SEMA5A: variants seen among roughly 807,000 people sequenced by gnomAD.
SEMA5A encodes the protein semaphorin-5A.
A neutral mutation model predicts 135.5 loss-of-function variants in SEMA5A; 55 were observed. That is an observed-to-expected ratio of 0.41 (90% confidence interval 0.33 to 0.51). The LOEUF (loss-of-function observed/expected upper bound fraction) is 0.51, where lower values mean the gene tolerates loss of function less well. Among genes scored for constraint, SEMA5A ranks in the 20% least tolerant of loss-of-function variants. The pLI, the probability that SEMA5A is intolerant of heterozygous loss-of-function variation, is 0.37. For missense variants in SEMA5A, 1,290 were observed against 1,419.9 expected (o/e 0.91, Z 1.47); for synonymous variants, 580 against 546.5 (o/e 1.06, Z -0.85).
intron 4 of SEMA5A, 136 bp downstream of exon 4, chr5:9,337,577 C>T: frequency 3.3e-6 from 2 of 597,682 alleles, no homozygotes; most frequent in South Asian, 2.4e-5. Flanking sequence ...TTATGACACT[C>T]ATACTGTATT....
chr5:9,361,298 CA>C (rs35091885), intron 3 of SEMA5A, among the ~76,000 whole-genome samples: 30,137 of 127,634 alleles, frequency 0.24, 3,072 homozygotes, highest in Admixed American at 0.29. Flanking sequence ...GACTCTGTCT[CA>C]AAAAAAAAAA....
At chr5:9,532,508 G>A (rs1369874347) in intron 1 of SEMA5A, among the ~76,000 whole-genome samples, 4 of 145,000 alleles carry the variant, frequency 2.8e-5, no homozygotes, top group South Asian at 2.1e-4. Context: ...GCCTGGTCTC[G>A]AACTCCTGAC....
intron 15 of SEMA5A, among the ~76,000 whole-genome samples, chr5:9,111,170 G>C (rs1453315544): frequency 1.3e-5 from 2 of 152,082 alleles, no homozygotes; most frequent in Non-Finnish European, 2.9e-5. Flanking sequence ...GCTCACTGTG[G>C]GTAGAAGGAG....
At chr5:9,488,429 G>A (rs1030661148) in intron 1 of SEMA5A, among the ~76,000 whole-genome samples, 60 of 152,258 alleles carry the variant, frequency 3.9e-4, no homozygotes, top group African/African-American at 1.4e-3. Flanking sequence ...TCACATGTAA[G>A]CTTCTTGTGA....
At chr5:9,334,042 T>C (rs1254363764) in intron 4 of SEMA5A, among the ~76,000 whole-genome samples, 1 of 152,176 alleles carries the variant, frequency 6.6e-6, no homozygotes, top group Non-Finnish European at 1.5e-5. Flanking sequence ...TACCTTCCGA[T>C]TCTCCATAAC....
chr5:9,125,865 T>C (rs530146551), intron 13 of SEMA5A, among the ~76,000 whole-genome samples: 1 of 152,234 alleles, frequency 6.6e-6, no homozygotes, highest in Admixed American at 6.5e-5. Flanking sequence ...TCCTTTCACC[T>C]GTTTATCAGC....
At chr5:9,201,448 G>A (rs1029429418) in intron 9 of SEMA5A, among the ~76,000 whole-genome samples, 4 of 152,178 alleles carry the variant, frequency 2.6e-5, no homozygotes, top group Non-Finnish European at 2.9e-5. Flanking sequence ...CAAAATGTGT[G>A]CTCAAGTAAG....
At chr5:9,174,773 G>C (rs925917643) in intron 11 of SEMA5A, among the ~76,000 whole-genome samples, 50 of 152,202 alleles carry the variant, frequency 3.3e-4, no homozygotes, top group African/African-American at 1.2e-3. Flanking sequence ...ATGATTAGCT[G>C]TGCTTCCACT....
intron 5 of SEMA5A, among the ~76,000 whole-genome samples, chr5:9,257,720 C>A (rs1435923837): frequency 2.0e-5 from 3 of 152,108 alleles, no homozygotes; most frequent in Non-Finnish European, 2.9e-5. Context: ...GGTTCAGAAC[C>A]CCCAGCATTA....
At chr5:9,467,519 C>T (rs1001574485) in intron 1 of SEMA5A, among the ~76,000 whole-genome samples, 3 of 152,196 alleles carry the variant, frequency 2.0e-5, no homozygotes, top group African/African-American at 7.2e-5. Context: ...CTGGAGGACT[C>T]CAAACTTCTG....
chr5:9,186,288 G>A (rs1744805218), intron 11 of SEMA5A, among the ~76,000 whole-genome samples: 2 of 152,172 alleles, frequency 1.3e-5, no homozygotes, highest in Admixed American at 1.3e-4. Context: ...TGGCAGCAGT[G>A]GGAAATGCCA....
At chr5:9,164,856 A>G (rs990042488) in intron 11 of SEMA5A, among the ~76,000 whole-genome samples, 2 of 152,168 alleles carry the variant, frequency 1.3e-5, no homozygotes, top group African/African-American at 4.8e-5. Context: ...ATTTTACGGA[A>G]ATAAATCTTT....
At chr5:9,338,338 G>A (rs1034298168) in intron 3 of SEMA5A, among the ~76,000 whole-genome samples, 3 of 151,974 alleles carry the variant, frequency 2.0e-5, no homozygotes, top group African/African-American at 7.2e-5. Flanking sequence ...AACACATTCC[G>A]ACCTTTCTAG....
chr5:9,301,599 G>A (rs1291310067), intron 5 of SEMA5A, among the ~76,000 whole-genome samples: 2 of 152,120 alleles, frequency 1.3e-5, no homozygotes, highest in Non-Finnish European at 2.9e-5. Context: ...CAAGTAGCCT[G>A]CACTTGACGT....
chr5:9,399,893 C>T (rs1020736515), intron 2 of SEMA5A, among the ~76,000 whole-genome samples: 1 of 151,986 alleles, frequency 6.6e-6, no homozygotes, highest in African/African-American at 2.4e-5. Flanking sequence ...TTCCCATTAG[C>T]TTGACATAGA....
At chr5:9,102,125 A>G (rs1380301213) in intron 16 of SEMA5A, among the ~76,000 whole-genome samples, 2 of 152,234 alleles carry the variant, frequency 1.3e-5, no homozygotes, top group African/African-American at 2.4e-5. Context: ...AAATATGAAT[A>G]CAAAGGGAAC....
At chr5:9,055,756 A>G (rs1736854446) in intron 18 of SEMA5A, among the ~76,000 whole-genome samples, 1 of 152,218 alleles carries the variant, frequency 6.6e-6, no homozygotes, top group Admixed American at 6.5e-5. Context: ...AGAATTCAAC[A>G]GTATTTTCCC....
chr5:9,214,920 T>C (rs546053763), intron 8 of SEMA5A, among the ~76,000 whole-genome samples: 2 of 152,304 alleles, frequency 1.3e-5, no homozygotes, highest in Admixed American at 6.5e-5. Flanking sequence ...CAATAATGAA[T>C]CTTGACTTGC....
At chr5:9,100,248 T>C (rs1273043369) in intron 16 of SEMA5A, among the ~76,000 whole-genome samples, 1 of 152,188 alleles carries the variant, frequency 6.6e-6, no homozygotes, top group African/African-American at 2.4e-5. Context: ...ATGGTCAGGA[T>C]TTGTTTTCAC....
Sources: allele counts gnomAD v4.1 joint callset (sites outside exome capture counted in the v4.1 genomes callset), GRCh38; gene constraint gnomAD v4.1.1; transcripts MANE v1.5; gene names NCBI Gene and HGNC (gene_info 2026-07-23, HGNC 2026-07-21).